WDR88: variants seen among roughly 807,000 people sequenced by gnomAD.
WDR88 encodes the protein WD repeat domain 88.
In WDR88, 40 loss-of-function variants were observed where a neutral mutation model predicts 46.8. The observed-to-expected ratio is 0.86, with a 90% CI of 0.66 to 1.11. WDR88 has a LOEUF of 1.11. Among genes scored for constraint, WDR88 ranks in the 50% most tolerant of loss-of-function variants. WDR88 has a pLI of 0.00. For synonymous variants in WDR88, 235 were observed against 240.7 expected, an observed-to-expected ratio of 0.98 and a Z score of 0.22; for missense variants, 562 against 602.4, an observed-to-expected ratio of 0.93 and a Z score of 0.70.
intron 9 of WDR88, among the ~76,000 whole-genome samples, chr19:33,170,601 C>T (rs1288428151): frequency 6.6e-6 from 1 of 152,112 alleles, no homozygotes; most frequent in African/African-American, 2.4e-5. Flanking sequence ...TGGCTCATGC[C>T]TGTAATGCCA....
At chr19:33,156,577 G>A (rs1973739915) in intron 7 of WDR88, 35 bp downstream of exon 7, 3 of 1,593,556 alleles carry the variant, frequency 1.9e-6, no homozygotes, top group Non-Finnish European at 1.7e-6. Flanking sequence ...CTCCATTCCT[G>A]TGGGAGTGCT....
At chr19:33,137,581 T>C (rs1181666933) in intron 1 of WDR88, 96 bp from the exon 2 acceptor site, 1 of 1,096,144 alleles carries the variant, frequency 9.1e-7, no homozygotes, top group African/African-American at 1.6e-5. Flanking sequence ...TTTTTCCGGG[T>C]GGTTTATTGC....
intron 4 of WDR88, 150 bp from the exon 5 acceptor site, chr19:33,148,622 A>C: frequency 2.1e-6 from 2 of 930,834 alleles, no homozygotes; most frequent in Non-Finnish European, 3.3e-6. Flanking sequence ...TTACTTTTGT[A>C]GAGATGGAGA....
At chr19:33,157,661 G>GTATA (rs1568367543) in intron 7 of WDR88, among the ~76,000 whole-genome samples, 5 of 80,564 alleles carry the variant, frequency 6.2e-5, no homozygotes, top group African/African-American at 8.5e-5. Context: ...ATGTATATAT[G>GTATA]TATGTATGTG....
Position 33,151,231 on chromosome 19 carries a change from A to T in WDR88, c.730A>T (p.Arg244Trp). The change falls in exon 6 of 11, where the codon AGG becomes TGG. Residue 244 changes from arginine to tryptophan, a missense_variant. Coordinates refer to ENST00000355868, the MANE Select transcript of WDR88 (RefSeq NM_173479.4). ...ATGCTGCTTTGACCCCGACAGCCAG[A>T]GGGTGGCTTCTGTCTCATTGGACAG... Reference protein sequence around the residue: ...TSCCFDPDSQRVASVSLDRCI... With the variant: ...TSCCFDPDSQWVASVSLDRCI... The T allele has an allele frequency of 1.2e-6, 2 of 1,613,862 alleles. No individual in the cohort carries two copies. Among genetic ancestry groups the T allele is most frequent in the Non-Finnish European group, 1.7e-6 (2 of 1,179,936 alleles).
At chr19:33,154,289 G>A (rs921126473) in intron 6 of WDR88, among the ~76,000 whole-genome samples, 4 of 152,016 alleles carry the variant, frequency 2.6e-5, no homozygotes, top group African/African-American at 7.2e-5. Context: ...CATGTGCCAC[G>A]GTGGTTTGCT....
At chr19:33,171,789 TTTGAGACAGAGTCTC>T (rs1338091748) in intron 9 of WDR88, among the ~76,000 whole-genome samples, 1 of 150,638 alleles carries the variant, frequency 6.6e-6, no homozygotes, top group East Asian at 2.0e-4. Flanking sequence ...GTTTGTTTGT[TTTGAGACAGAGTCTC>T]ACTCTGTCGC....
intron 9 of WDR88, among the ~76,000 whole-genome samples, chr19:33,171,113 G>C (rs1568372649): frequency 6.6e-6 from 1 of 152,122 alleles, no homozygotes; most frequent in Non-Finnish European, 1.5e-5. Flanking sequence ...AGCCTCCTGA[G>C]TAGCTGGGAT....
At chr19:33,157,575 GTATATATA>G (rs1234450540) in intron 7 of WDR88, among the ~76,000 whole-genome samples, 1 of 140,710 alleles carries the variant, frequency 7.1e-6, no homozygotes, top group East Asian at 2.1e-4. Flanking sequence ...GTATATATGT[GTATATATA>G]TGTATATATG....
chr19:33,174,220 A>T, intron 10 of WDR88: 1 of 1,536,538 alleles, frequency 6.5e-7, no homozygotes, highest in Non-Finnish European at 8.7e-7. Context: ...AGCAAGGATG[A>T]GCCTGCTGCA....
chr19:33,167,384 A>T (rs982618881), intron 9 of WDR88, among the ~76,000 whole-genome samples: 1 of 152,160 alleles, frequency 6.6e-6, no homozygotes, highest in Non-Finnish European at 1.5e-5. Context: ...TAATAAAAAA[A>T]CCCAGAAAGC....
chr19:33,133,782 A>G (rs908563688), intron 1 of WDR88, among the ~76,000 whole-genome samples: 37 of 152,162 alleles, frequency 2.4e-4, no homozygotes, highest in Admixed American at 2.0e-4. Context: ...GTCTGGCCTC[A>G]GGGATCTTGG....
At position 33,143,012 on chromosome 19, in the gene WDR88, C is replaced by T. The variant is rs868175535; in HGVS notation, c.388-1832C>T. On this transcript the variant is annotated intron_variant, in intron 2 of 10. Coordinates refer to ENST00000355868, the MANE Select transcript of WDR88 (RefSeq NM_173479.4). ...CTTGCCCCTGGGGTCTCTCAGTCACCCCAGAGGATTAAGAAAGGGTTTAAG... is the reference window on the plus strand; with the variant it reads ...CTTGCCCCTGGGGTCTCTCAGTCACTCCAGAGGATTAAGAAAGGGTTTAAG... Among the ~76,000 whole-genome samples the T allele has an allele frequency of 1.4e-4, 21 of 151,562 alleles. 1 individual carries two copies. In the Middle Eastern group the frequency reaches 0.017, roughly 124 times the overall value.
rs1973847006 is a variant in WDR88, at chr19:33,160,499, A to G, written c.1080+3A>G. On this transcript the variant is annotated splice_donor_region_variant and intron_variant, in intron 8 of 10. Coordinates refer to ENST00000355868, the MANE Select transcript of WDR88 (RefSeq NM_173479.4). ...GCTACCGGAAGCTCTCTTTGAAGGT[A>G]CATGTGGCCAGCATGAGATTGAGGA... The G allele has an allele frequency of 6.2e-7, 1 of 1,614,132 alleles. No homozygotes were observed. The highest frequency in any genetic ancestry group is 2.2e-5 in the East Asian group (1 of 44,884).
Position 33,137,797 on chromosome 19 carries a change from C to T in WDR88, c.387+10C>T, listed in dbSNP as rs201024271. Reference sequence around the variant, plus strand: ...CACTGTGAAGCTGTGGGTAGGTGGCCGGCTGTTAGGTACTCCTGGAGCGAA... The same window carrying T: ...CACTGTGAAGCTGTGGGTAGGTGGCTGGCTGTTAGGTACTCCTGGAGCGAA... On this transcript the variant is annotated intron_variant, in intron 2 of 10. Transcript: ENST00000355868. 53 of 1,610,576 alleles carry T rather than the reference C, an allele frequency of 3.3e-5. No homozygotes were observed. The highest frequency in any genetic ancestry group is 5.5e-5 in the South Asian group (5 of 90,850).
At chr19:33,153,563 C>T (rs770900246) in intron 6 of WDR88, among the ~76,000 whole-genome samples, 18 of 152,202 alleles carry the variant, frequency 1.2e-4, no homozygotes, top group African/African-American at 2.2e-4. Flanking sequence ...GGTGCAATCT[C>T]GGCTCGCTGC....
At chr19:33,172,496 A>G in intron 10 of WDR88, 56 bp downstream of exon 10, 2 of 1,412,932 alleles carry the variant, frequency 1.4e-6, no homozygotes, top group East Asian at 2.3e-5. Flanking sequence ...CCCTCTATAA[A>G]TTAATTTATC....
chr19:33,150,286 T>C (rs1973606596), intron 5 of WDR88, among the ~76,000 whole-genome samples: 1 of 151,970 alleles, frequency 6.6e-6, no homozygotes, highest in Non-Finnish European at 1.5e-5. Flanking sequence ...ACCCTGTCTC[T>C]ACTAAAAATA....
intron 7 of WDR88, among the ~76,000 whole-genome samples, chr19:33,157,667 A>ATG: frequency 1.1e-5 from 1 of 95,162 alleles, no homozygotes; most frequent in African/African-American, 4.0e-5. Flanking sequence ...ATATGTATGT[A>ATG]TGTGTGTGTG....
Sources: gnomAD v4.1 joint callset for allele counts (sites outside exome capture counted in the v4.1 genomes callset) on GRCh38, gnomAD v4.1.1 for gene constraint, MANE v1.5 for transcripts, NCBI Gene and HGNC (gene_info 2026-07-23, HGNC 2026-07-21) for gene names.